LRRC37A2: variants seen among roughly 807,000 people sequenced by gnomAD.
LRRC37A2 encodes leucine rich repeat containing 37 member A2.
In LRRC37A2, 9 loss-of-function variants were observed where a neutral mutation model predicts 68.8. That is an observed-to-expected ratio of 0.13 (90% CI 0.08 to 0.23). The LOEUF is 0.23. LRRC37A2 is among the 10% of genes least tolerant of loss of function. LRRC37A2 has a pLI of 1.00. For synonymous variants in LRRC37A2, 63 were observed against 367.6 expected (o/e 0.17, Z 9.48); for missense variants, 168 against 950.4 (o/e 0.18, Z 10.82).
chr17:47,046,239 G>A, the LRRC37A2 span, among the ~76,000 whole-genome samples: 25 of 133,748 alleles, frequency 1.9e-4, no homozygotes, highest in South Asian at 6.1e-3. Context: ...AGCTACTCGG[G>A]GGACTGAATT....
chr17:46,626,025 G>A, the LRRC37A2 span, among the ~76,000 whole-genome samples: 8 of 148,148 alleles, frequency 5.4e-5, no homozygotes, highest in African/African-American at 7.8e-5. Flanking sequence ...GGTAATTTCT[G>A]AACAGGGAAT....
chr17:46,684,450 G>T, the LRRC37A2 span, among the ~76,000 whole-genome samples: 1 of 152,034 alleles, frequency 6.6e-6, no homozygotes, highest in Non-Finnish European at 1.5e-5. Context: ...CTTTATAGTC[G>T]AATGATTGTA....
the LRRC37A2 span, among the ~76,000 whole-genome samples, chr17:46,785,247 A>G: frequency 0.64 from 97,120 of 152,020 alleles, 33,525 homozygotes; most frequent in South Asian, 0.84. Context: ...TTCTGGGTCT[A>G]TCCCTCACGT....
At chr17:46,873,377 G>A in the LRRC37A2 span, among the ~76,000 whole-genome samples, 6 of 152,182 alleles carry the variant, frequency 3.9e-5, no homozygotes, top group East Asian at 1.2e-3. Context: ...GTTCAGAGCT[G>A]AACCAGACCC....
chr17:46,496,973 T>G, the LRRC37A2 span, among the ~76,000 whole-genome samples: 1 of 143,226 alleles, frequency 7.0e-6, no homozygotes, highest in Admixed American at 7.0e-5. Flanking sequence ...ATATTAGTAG[T>G]ATAATACTGT....
chr17:46,803,379 C>T, the LRRC37A2 span, among the ~76,000 whole-genome samples: 2 of 152,284 alleles, frequency 1.3e-5, no homozygotes, highest in South Asian at 4.1e-4. Context: ...ACTAAAAATA[C>T]AAAACTTAGC....
the LRRC37A2 span, among the ~76,000 whole-genome samples, chr17:46,947,883 C>T: frequency 1.3e-5 from 2 of 152,234 alleles, no homozygotes; most frequent in East Asian, 3.8e-4. Flanking sequence ...ACTCTCCTGC[C>T]TCAGCCTCCT....
chr17:46,944,760 C>A, the LRRC37A2 span, among the ~76,000 whole-genome samples: 4 of 151,976 alleles, frequency 2.6e-5, 1 homozygote, highest in Middle Eastern at 0.013. Context: ...CTACCACGCC[C>A]GGCTAATTTT....
At chr17:46,721,668 C>T in the LRRC37A2 span, 1 of 1,603,022 alleles carries the variant, frequency 6.2e-7, no homozygotes, top group Non-Finnish European at 8.5e-7. Flanking sequence ...ACCTTGTGTT[C>T]CACATTGTTC....
At chr17:46,929,909 C>G in the LRRC37A2 span, 1 of 262,332 alleles carries the variant, frequency 3.8e-6, no homozygotes, top group Non-Finnish European at 7.4e-6. Flanking sequence ...AGATGTTTAA[C>G]TGGAATTGGC....
the LRRC37A2 span, chr17:46,768,391 T>C: frequency 6.2e-7 from 1 of 1,613,808 alleles, no homozygotes; most frequent in African/African-American, 1.3e-5. This position sits in a 1 kb window ranked among gnomAD's most constrained non-coding sequence, Gnocchi z 5.0. Context: ...CAGTGGAAGA[T>C]GCAGTGGCAT....
At chr17:46,722,390 C>T in the LRRC37A2 span, among the ~76,000 whole-genome samples, 5 of 152,290 alleles carry the variant, frequency 3.3e-5, no homozygotes, top group South Asian at 2.1e-4. Context: ...CTATAACTCA[C>T]GGTGAGTTTG....
chr17:46,470,550 A>T, the LRRC37A2 span, among the ~76,000 whole-genome samples: 1 of 82,776 alleles, frequency 1.2e-5, no homozygotes, highest in South Asian at 5.0e-4. Context: ...CCAATGGCTC[A>T]TGCCTGTAAT....
At chr17:46,875,198 C>G in the LRRC37A2 span, 1 of 1,614,028 alleles carries the variant, frequency 6.2e-7, no homozygotes, top group Non-Finnish European at 8.5e-7. Context: ...AGCGCTGCAC[C>G]TGTGATGACT....
At position 46,532,062 on chromosome 17, in the gene LRRC37A2, C is replaced by T. The variant is rs530254599; in HGVS notation, c.2907-8114C>T. Among the ~76,000 whole-genome samples, 40 of 150,456 alleles carry T rather than the reference C, an allele frequency of 2.7e-4. 1 individual carries two copies. Among genetic ancestry groups the T allele is most frequent in the Non-Finnish European group, 4.4e-4 (30 of 67,934 alleles). ...TGACGCCATTACACTCAAGCCTGGG[C>T]AACAGAGTGAGACTCCAATGGAGAC... On this transcript the variant is annotated intron_variant, in intron 6 of 14. Transcript: ENST00000576629.
chr17:46,936,548 C>T, the LRRC37A2 span: 1 of 985,446 alleles, frequency 1.0e-6, no homozygotes, highest in Non-Finnish European at 1.2e-6. Context: ...CGGGATTTTC[C>T]ACCTACACCA....
At chr17:46,974,862 C>CA in the LRRC37A2 span, among the ~76,000 whole-genome samples, 2 of 152,222 alleles carry the variant, frequency 1.3e-5, no homozygotes, top group South Asian at 4.1e-4. Flanking sequence ...GGAGGAGCTA[C>CA]AAAACCTTCT....
At chr17:46,981,260 T>C in the LRRC37A2 span, among the ~76,000 whole-genome samples, 1 of 142,066 alleles carries the variant, frequency 7.0e-6, no homozygotes, top group Non-Finnish European at 1.5e-5. Context: ...GGTTTGAATA[T>C]GTCTCCCCAA....
At chr17:46,902,384 A>G in the LRRC37A2 span, among the ~76,000 whole-genome samples, 1 of 152,084 alleles carries the variant, frequency 6.6e-6, no homozygotes, top group Non-Finnish European at 1.5e-5. Flanking sequence ...CGGAGGGTGC[A>G]ATGTGCTGAA....
Sources: allele counts gnomAD v4.1 joint callset (sites outside exome capture counted in the v4.1 genomes callset), GRCh38; gene constraint gnomAD v4.1.1; non-coding constraint Gnocchi (gnomAD v3.1); transcripts MANE v1.5; gene names NCBI Gene and HGNC (gene_info 2026-07-23, HGNC 2026-07-21).